Variants in PLCD1 observed in about 807,000 individuals in gnomAD.
PLCD1 encodes the protein phospholipase C delta 1.
Under a neutral mutation model 87.4 loss-of-function variants are expected in PLCD1, and 71 were observed. The observed-to-expected ratio is 0.81, with a 90% CI of 0.67 to 0.99. The LOEUF (loss-of-function observed/expected upper bound fraction) is 0.99, where lower values mean the gene tolerates loss of function less well. Among genes scored for constraint, PLCD1 ranks in the 50% least tolerant of loss-of-function variants. The pLI, the probability that PLCD1 is intolerant of heterozygous loss-of-function variation, is 0.00. For synonymous variants in PLCD1, 348 were observed against 399.2 expected, an observed-to-expected ratio of 0.87 and a Z score of 1.53; for missense variants, 867 against 1,001.5, an observed-to-expected ratio of 0.87 and a Z score of 1.81.
chr3:38,026,429 CA>C (rs1700309552), intron 1 of PLCD1, among the ~76,000 whole-genome samples: 1 of 152,184 alleles, frequency 6.6e-6, no homozygotes, highest in South Asian at 2.1e-4. Flanking sequence ...TGAGGCAAGA[CA>C]ATCCCTTGAA....
rs746576262 is a variant in PLCD1 at position 38,008,006 on chromosome 3, A to ACACT, written c.2185+4_2185+7dup. ...CCACCTTGGCCATCCCCTTCTCTTG[A>ACACT]CACTCACCTTGCTTGAGGCTGTTCA... On this transcript the variant is annotated splice_region_variant and intron_variant, in intron 14 of 14. Transcript: ENST00000334661. 3 of 1,614,092 alleles carry ACACT rather than the reference A, an allele frequency of 1.9e-6. No homozygotes were observed. Among genetic ancestry groups the ACACT allele is most frequent in the Admixed American group, 1.7e-5 (1 of 60,018 alleles).
At chr3:38,010,092 C>T (rs1404970219) in intron 7 of PLCD1, 39 bp from the exon 8 acceptor site, 1 of 1,614,092 alleles carries the variant, frequency 6.2e-7, no homozygotes, top group South Asian at 1.1e-5. Context: ...GTGGGCCACC[C>T]CTAGCATCCC....
intron 1 of PLCD1, among the ~76,000 whole-genome samples, chr3:38,028,724 T>A (rs1019362249): frequency 1.3e-5 from 2 of 151,860 alleles, no homozygotes; most frequent in African/African-American, 4.8e-5. Flanking sequence ...GCGCCCAAAG[T>A]TACCCTCCCC....
Position 38,017,525 on chromosome 3 carries a change from GC to G in PLCD1, c.200-807del, listed in dbSNP as rs1181896578. On this transcript the variant is annotated intron_variant, in intron 2 of 14. Coordinates refer to ENST00000334661, the MANE Select transcript of PLCD1 (RefSeq NM_006225.4). The surrounding 1 kb of genome is among the most constrained non-coding windows in gnomAD (Gnocchi z 4.7). ...GGGGAGGGCCCTCCCCTCACACCCAGCCTTCCAAGCTTCAGGGAGATGCCAG... is the reference window on the plus strand; with the variant it reads ...GGGGAGGGCCCTCCCCTCACACCCAGCTTCCAAGCTTCAGGGAGATGCCAG... Among the ~76,000 whole-genome samples the G allele has an allele frequency of 6.6e-6, 1 of 152,102 alleles. No individual in the cohort carries two copies. Among genetic ancestry groups the G allele is most frequent in the African/African-American group, 2.4e-5 (1 of 41,420 alleles).
chr3:38,015,505 G>T (rs567300342), intron 3 of PLCD1, among the ~76,000 whole-genome samples: 1 of 152,200 alleles, frequency 6.6e-6, no homozygotes, highest in African/African-American at 2.4e-5. Context: ...AAAATTGATT[G>T]TGATGATGGC....
intron 1 of PLCD1, 105 bp from the exon 2 acceptor site, chr3:38,020,457 C>G: frequency 9.5e-7 from 1 of 1,052,500 alleles, no homozygotes; most frequent in Non-Finnish European, 1.5e-6. Flanking sequence ...GCCCACTTTT[C>G]ACCAGCCTCA....
chr3:38,010,084 G>A (rs1700045873), intron 7 of PLCD1, 31 bp from the exon 8 acceptor site: 5 of 1,613,888 alleles, frequency 3.1e-6, no homozygotes, highest in Non-Finnish European at 4.2e-6. Flanking sequence ...TAGGAGTGGT[G>A]GGCCACCCCT....
At position 38,008,341 on chromosome 3, in the gene PLCD1, TTTTGGCAGC is replaced by T; in HGVS notation, c.1920_1928del (p.Leu641_Lys643del). 6.2e-7 allele frequency: 1 copy of T among 1,614,246 alleles called. No individual in the cohort carries two copies. The highest frequency in any genetic ancestry group is 8.5e-7 in the Non-Finnish European group (1 of 1,180,040). On this transcript the variant is annotated inframe_deletion, in exon 13 of 15. Transcript: ENST00000334661. ...CAATTGAATTCTTATTCTTGTTGAC[TTTTGGCAGC>T]TGCTGCCCCGAAATGACCTGAGGAA...
intron 3 of PLCD1, chr3:38,014,785 T>TAA (rs59198997): frequency 0.036 from 5,461 of 152,354 alleles, 138 homozygotes; most frequent in African/African-American, 0.075. Flanking sequence ...AACTCAATAA[T>TAA]AAAGACAAAT....
At position 38,007,747 on chromosome 3, in the gene PLCD1, G is replaced by A. The variant is rs779329326; in HGVS notation, c.*26C>T. 6.4e-7 allele frequency: 1 copy of A among 1,571,938 alleles called. No homozygotes were observed. Among genetic ancestry groups the A allele is most frequent in the South Asian group, 1.1e-5 (1 of 90,202 alleles). On this transcript the variant is annotated 3_prime_UTR_variant, in exon 15 of 15. Coordinates refer to ENST00000334661, the MANE Select transcript of PLCD1 (RefSeq NM_006225.4). ...TGGACAGAGGGCCCAGCCCACTCAGGGGGGACCCCACTGGCTTCCTCCAGC... is the reference window on the plus strand; with the variant it reads ...TGGACAGAGGGCCCAGCCCACTCAGAGGGGACCCCACTGGCTTCCTCCAGC...
At position 38,009,727 on chromosome 3, in the gene PLCD1, C is replaced by G; in HGVS notation, c.1372G>C (p.Val458Leu). The G allele has an allele frequency of 2.5e-6, 4 of 1,614,172 alleles. No homozygotes were observed. The highest frequency in any genetic ancestry group is 3.4e-6 in the Non-Finnish European group (4 of 1,180,008). Residue 458 changes from valine (V) to leucine (L), a missense_variant, in exon 9 of 15, where the codon GTG (valine) becomes CTG (leucine). Physicochemically the swap from Val to Leu is conservative, Grantham distance 32. Coordinates refer to ENST00000334661, the MANE Select transcript of PLCD1 (RefSeq NM_006225.4). Reference sequence around the variant, plus strand: ...GCAGCCTCGTCTTCGTCTGACACCACAGTGGCCTCAGGGCCACCCTCCCCT... The same window carrying G: ...GCAGCCTCGTCTTCGTCTGACACCAGAGTGGCCTCAGGGCCACCCTCCCCT... Reference protein sequence around the residue: ...PGGEGGPEATVVSDEDEAAEM... With the variant: ...PGGEGGPEATLVSDEDEAAEM...
intron 1 of PLCD1, among the ~76,000 whole-genome samples, chr3:38,020,920 C>T (rs1435296361): frequency 6.6e-6 from 1 of 152,186 alleles, no homozygotes; most frequent in African/African-American, 2.4e-5. Flanking sequence ...CCCTTCCCAA[C>T]AAGCTGTGTG....
Position 38,007,920 on chromosome 3 carries a change from G to T in PLCD1, c.2186-62C>A, listed in dbSNP as rs879193384. On this transcript the variant is annotated intron_variant, in intron 14 of 14. Transcript: ENST00000334661. The stretch of plus-strand genomic sequence containing the variant: ...GTTCTGGTCATTCGGCGGCGGAGGG[G>T]GGGTGGATGCGTCAAGGGACAGCCA... The T allele has an allele frequency of 4.4e-5, 71 of 1,604,944 alleles. No homozygotes were observed. The South Asian group carries it at 6.3e-4, about 14-fold the overall frequency.
At chr3:38,024,434 G>A in intron 1 of PLCD1, 1 of 1,611,382 alleles carries the variant, frequency 6.2e-7, no homozygotes, top group Non-Finnish European at 8.5e-7. Context: ...GGCACTGCAT[G>A]GCCCTCCACA....
At position 38,024,747 on chromosome 3, in the gene PLCD1, G is replaced by A. The variant is rs1336760999; in HGVS notation, c.35-4395C>T. The A allele has an allele frequency of 5.1e-6, 7 of 1,362,052 alleles. No homozygotes were observed. In the East Asian group the frequency reaches 2.5e-4, roughly 48 times the overall value. The allele number at this position is 1,362,052 out of a possible 1,614,324, so 84.4% of individuals were successfully genotyped here. On this transcript the variant is annotated intron_variant, in intron 1 of 14. Coordinates refer to ENST00000334661, the MANE Select transcript of PLCD1 (RefSeq NM_006225.4). ...AGAGCGAAACCGAGGCAAAGTAAAT[G>A]AGTGGGGGGAGTCAGAATACAGGAG...
At chr3:38,008,409 G>C in intron 12 of PLCD1, 42 bp from the exon 13 acceptor site, 1 of 1,614,188 alleles carries the variant, frequency 6.2e-7, no homozygotes, top group Non-Finnish European at 8.5e-7. Context: ...AGGAGTGGTA[G>C]CGGGGAAGGG....
At position 38,010,028 on chromosome 3, in the gene PLCD1, G is replaced by C; in HGVS notation, c.1163C>G (p.Ser388Cys). The change falls in exon 8 of 15, where the codon TCC becomes TGC. Residue 388 changes from serine to cysteine, a missense_variant. Transcript: ENST00000334661. ...FKASPYPVILSLENHCTLEQQ... is the reference protein window; with the variant it reads ...FKASPYPVILCLENHCTLEQQ... Reference sequence around the variant, plus strand: ...CTCCAGTGTGCAGTGGTTCTCCAGGGATAGGATGACAGGGTAGGGGGACGC... The same window carrying C: ...CTCCAGTGTGCAGTGGTTCTCCAGGCATAGGATGACAGGGTAGGGGGACGC... The C allele has an allele frequency of 6.2e-7, 1 of 1,614,200 alleles. No homozygotes were observed. Among genetic ancestry groups the C allele is most frequent in the Non-Finnish European group, 8.5e-7 (1 of 1,180,020 alleles).
chr3:38,024,563 C>T, intron 1 of PLCD1: 1 of 1,507,570 alleles, frequency 6.6e-7, no homozygotes, highest in Non-Finnish European at 8.9e-7. Flanking sequence ...GGAGCAGGGG[C>T]GGAGTCCAGG....
rs375075065 is a variant in PLCD1 at position 38,024,379 on chromosome 3, C to T, written c.35-4027G>A. The T allele has an allele frequency of 3.1e-6, 5 of 1,612,850 alleles. No homozygotes were observed. In the African/African-American group the frequency reaches 5.3e-5, roughly 17 times the overall value. On this transcript the variant is annotated intron_variant, in intron 1 of 14. Coordinates refer to ENST00000334661, the MANE Select transcript of PLCD1 (RefSeq NM_006225.4). ...AGCGCCGCCACCTTAAGGCTCCGCTCCTGCAGGTAGAGCTCCCTGGAGCGG... is the reference window on the plus strand; with the variant it reads ...AGCGCCGCCACCTTAAGGCTCCGCTTCTGCAGGTAGAGCTCCCTGGAGCGG...
Sources: gnomAD v4.1 joint callset for allele counts (sites outside exome capture counted in the v4.1 genomes callset) on GRCh38, gnomAD v4.1.1 for gene constraint, Gnocchi (gnomAD v3.1) non-coding constraint, MANE v1.5 for transcripts, NCBI Gene and HGNC (gene_info 2026-07-23, HGNC 2026-07-21) for gene names.